Variants in ATP8B3 observed in about 807,000 individuals in gnomAD.
ATP8B3 encodes the protein ATPase phospholipid transporting 8B3.
ATP8B3 carries 141 observed loss-of-function variants against 140.9 expected under a neutral mutation model. That is an observed-to-expected ratio of 1.00 (90% CI 0.87 to 1.15). The LOEUF is 1.15. Among genes scored for constraint, ATP8B3 ranks in the 50% most tolerant of loss-of-function variants. The pLI is 0.00. For missense variants in ATP8B3, 1,874 were observed against 1,740.6 expected (o/e 1.08, Z -1.36); for synonymous variants, 765 against 714.6 (o/e 1.07, Z -1.13).
Position 1,784,873 on chromosome 19 carries a change from GA to G in ATP8B3, c.3605del (p.Phe1202SerfsTer79). The G allele has an allele frequency of 6.2e-7, 1 of 1,613,038 alleles. No individual in the cohort carries two copies. Among genetic ancestry groups the G allele is most frequent in the Non-Finnish European group, 8.5e-7 (1 of 1,179,592 alleles). ...AGATGACTCGGAGGGCCAGGACAGG[GA>G]AGGTGTTTATGGACACACTCAGCAG... The part of the protein sequence containing the change: ...VVLLSVSINT[F>X]PVLALRVIFP... On this transcript the variant is annotated frameshift_variant, in exon 28 of 29. Transcript: ENST00000310127. LOFTEE classifies it high-confidence loss of function.
Position 1,805,321 on chromosome 19 carries a change from C to T in ATP8B3, c.904+53G>A, listed in dbSNP as rs2068976078. 4 of 1,485,818 alleles carry T rather than the reference C, an allele frequency of 2.7e-6. No individual in the cohort carries two copies. Among genetic ancestry groups the T allele is most frequent in the Non-Finnish European group, 3.7e-6 (4 of 1,087,136 alleles). The allele number at this position is 1,485,818 out of a possible 1,614,324, so 92.0% of individuals were successfully genotyped here. A position where few individuals can be genotyped will look rare whatever the true frequency, so the allele number is the denominator to read the frequency against. The stretch of plus-strand genomic sequence containing the variant: ...TAATAACAACAACAAAATACCCTAA[C>T]TTTTAACTTTTACAGATTCGAGGGA... On this transcript the variant is annotated intron_variant, in intron 10 of 28. Transcript: ENST00000310127. This position sits in a 1 kb window ranked among gnomAD's most constrained non-coding sequence, Gnocchi z 5.2.
chr19:1,785,014 G>T (rs1334967264), intron 27 of ATP8B3, 68 bp from the exon 28 acceptor site: 34 of 1,535,682 alleles, frequency 2.2e-5, no homozygotes, highest in African/African-American at 2.7e-5. Flanking sequence ...GCTAGGGAGC[G>T]CCTTGGTGCC....
chr19:1,798,493 C>T (rs1216325762), intron 14 of ATP8B3, among the ~76,000 whole-genome samples: 2 of 151,950 alleles, frequency 1.3e-5, no homozygotes, highest in African/African-American at 4.8e-5. Flanking sequence ...AATCCCAGCA[C>T]TTTGGGAGGC....
intron 12 of ATP8B3, among the ~76,000 whole-genome samples, chr19:1,801,047 C>A (rs533361950): frequency 2.0e-5 from 3 of 151,774 alleles, no homozygotes; most frequent in South Asian, 4.2e-4. Context: ...CCAGGATGGT[C>A]TTGATCTCCT....
intron 18 of ATP8B3, among the ~76,000 whole-genome samples, chr19:1,795,334 T>C (rs1313908369): frequency 7.2e-5 from 11 of 152,000 alleles, no homozygotes; most frequent in Admixed American, 7.2e-4. Flanking sequence ...GCAGATCACC[T>C]GAGGTCAGGA....
At chr19:1,798,130 C>G (rs2068736714) in intron 14 of ATP8B3, among the ~76,000 whole-genome samples, 1 of 151,898 alleles carries the variant, frequency 6.6e-6, no homozygotes, top group Non-Finnish European at 1.5e-5. Context: ...GCCACCATGC[C>G]TGGCTAATTT....
Position 1,791,751 on chromosome 19 carries a change from C to G in ATP8B3, c.2301G>C (p.Gln767His), listed in dbSNP as rs747858417. Residue 767 changes from glutamine (Q) to histidine (H), a missense_variant and splice_region_variant, in exon 20 of 29, where the codon CAG becomes CAC. Gln to His is a conservative substitution (Grantham distance 24). Around this residue, in one of 3 missense-constraint regions of ATP8B3, gnomAD observed 840 missense variants for 760.9 expected, o/e 1.10. Transcript: ENST00000310127. Reference sequence around the variant, plus strand: ...CACCCGGAGCTGCCCGGGACTCACCCTGCTTGTCCCCGGTGAGCACCCATA... The same window carrying G: ...CACCCGGAGCTGCCCGGGACTCACCGTGCTTGTCCCCGGTGAGCACCCATA... ...IKIWVLTGDK[Q>H]ETAVNIGFAC... The G allele has an allele frequency of 6.2e-6, 10 of 1,609,996 alleles. No homozygotes were observed. The highest frequency in any genetic ancestry group is 6.8e-6 in the Non-Finnish European group (8 of 1,178,782).
chr19:1,797,978 T>C (rs1041141116), intron 14 of ATP8B3, among the ~76,000 whole-genome samples: 2 of 151,506 alleles, frequency 1.3e-5, no homozygotes, highest in African/African-American at 4.9e-5. Flanking sequence ...GTGTCTTTTG[T>C]GTGTGTGTGT....
Position 1,806,457 on chromosome 19 carries a change from TGTCCTC to T in ATP8B3, c.677+165_677+170del. Reference sequence around the variant, plus strand: ...GGTTCGCCATCAGGGCCTCGGCCTCTGTCCTCGTCCCGGCCAAACGCCTAATGAATG... The same window carrying T: ...GGTTCGCCATCAGGGCCTCGGCCTCTGTCCCGGCCAAACGCCTAATGAATG... On this transcript the variant is annotated intron_variant, in intron 7 of 28. Coordinates refer to ENST00000310127, the MANE Select transcript of ATP8B3 (RefSeq NM_138813.4). This position sits in a 1 kb window ranked among gnomAD's most constrained non-coding sequence, Gnocchi z 5.6. 1 of 1,456,762 alleles carries T rather than the reference TGTCCTC, an allele frequency of 6.9e-7. No individual in the cohort carries two copies. The highest frequency in any genetic ancestry group is 9.0e-7 in the Non-Finnish European group (1 of 1,110,082). 90.2% of individuals were successfully genotyped at this position (1,456,762 alleles called of 1,614,324 possible).
intron 20 of ATP8B3, 79 bp downstream of exon 20, chr19:1,791,671 G>T: frequency 3.6e-6 from 4 of 1,114,088 alleles, no homozygotes; most frequent in Non-Finnish European, 5.3e-6. Flanking sequence ...GGGATGACAG[G>T]TGTGAGCCTT....
At chr19:1,785,363 G>C in intron 26 of ATP8B3, 66 bp from the exon 27 acceptor site, 1 of 1,550,916 alleles carries the variant, frequency 6.4e-7, no homozygotes, top group Admixed American at 1.9e-5. Context: ...CCAGCCCCTG[G>C]GGTCCAGGAA....
At position 1,794,514 on chromosome 19, in the gene ATP8B3, G is replaced by C. The variant is rs939027704; in HGVS notation, c.2055+1361C>G. ...GAACCTGTGAGGAGCCCCCAGGCTG[G>C]ACGCAGAATCCTCTGGCCCTGTAGG... is the stretch of plus-strand genomic sequence containing the variant. On this transcript the variant is annotated intron_variant, in intron 18 of 28. Transcript: ENST00000310127. This position sits in a 1 kb window ranked among gnomAD's most constrained non-coding sequence, Gnocchi z 4.8. Among the ~76,000 whole-genome samples, 5 of 152,082 alleles carry C rather than the reference G, an allele frequency of 3.3e-5. No individual in the cohort carries two copies. Among genetic ancestry groups the C allele is most frequent in the Admixed American group, 6.5e-5 (1 of 15,276 alleles).
At position 1,789,084 on chromosome 19, in the gene ATP8B3, C is replaced by T. The variant is rs778749192; in HGVS notation, c.2882G>A (p.Gly961Asp). The T allele has an allele frequency of 7.0e-6, 11 of 1,580,876 alleles. No individual in the cohort carries two copies. Among genetic ancestry groups the T allele is most frequent in the African/African-American group, 2.7e-5 (2 of 74,374 alleles). ...GTCGCTGTTCTGAACTGCCTGCATG[C>T]CCTCCTGGCCCGCCAGCCCCACGCC... Reference protein sequence around the residue: ...DVGVGLAGQEGMQAVQNSDFV... With the variant: ...DVGVGLAGQEDMQAVQNSDFV... The change falls in exon 24 of 29, where the codon GGC becomes GAC. Residue 961 changes from glycine (G) to aspartate (D), a missense_variant. Around this residue, in one of 3 missense-constraint regions of ATP8B3, gnomAD observed 840 missense variants for 760.9 expected, o/e 1.10. Coordinates refer to ENST00000310127, the MANE Select transcript of ATP8B3 (RefSeq NM_138813.4).
intron 4 of ATP8B3, among the ~76,000 whole-genome samples, chr19:1,809,296 A>G (rs2069118353): frequency 6.6e-6 from 1 of 152,038 alleles, no homozygotes; most frequent in Non-Finnish European, 1.5e-5. Context: ...CAGCCTGGCC[A>G]ACATGGTGAA....
rs374313601 is a variant in ATP8B3 at position 1,806,260 on chromosome 19, G to A, written c.678-91C>T. The A allele has an allele frequency of 7.3e-5, 112 of 1,526,404 alleles. 1 individual carries two copies. The highest frequency in any genetic ancestry group is 6.8e-4 in the Admixed American group (34 of 50,124). The allele number at this position is 1,526,404 out of a possible 1,614,324, so 94.6% of individuals were successfully genotyped here. On this transcript the variant is annotated intron_variant, in intron 7 of 28. Coordinates refer to ENST00000310127, the MANE Select transcript of ATP8B3 (RefSeq NM_138813.4). This position sits in a 1 kb window ranked among gnomAD's most constrained non-coding sequence, Gnocchi z 5.6. ...AGAGGCACGGGATGACGGGGGGCCCGCAGCTGCAGTCCCCACCTCCGGGCC... is the reference window on the plus strand; with the variant it reads ...AGAGGCACGGGATGACGGGGGGCCCACAGCTGCAGTCCCCACCTCCGGGCC...
rs956378599 is a variant in ATP8B3 at position 1,806,844 on chromosome 19, G to A, written c.616-155C>T. Among the ~76,000 whole-genome samples, 10 of 152,304 alleles carry A rather than the reference G, an allele frequency of 6.6e-5. 1 individual carries two copies. Among genetic ancestry groups the A allele is most frequent in the East Asian group, 3.9e-4 (2 of 5,168 alleles). On this transcript the variant is annotated intron_variant, in intron 6 of 28. Coordinates refer to ENST00000310127, the MANE Select transcript of ATP8B3 (RefSeq NM_138813.4). The surrounding 1 kb of genome is among the most constrained non-coding windows in gnomAD (Gnocchi z 5.6). ...TTGCGTCTGCTCAGGGATCCCGGACGTGGGGGCCACTGGACCCACTGCTAT... is the reference window on the plus strand; with the variant it reads ...TTGCGTCTGCTCAGGGATCCCGGACATGGGGGCCACTGGACCCACTGCTAT...
rs2068798437 is a variant in ATP8B3 at position 1,800,150 on chromosome 19, T to C, written c.1349A>G (p.Glu450Gly). The change falls in exon 14 of 29, where the codon GAG becomes GGG. Residue 450 changes from glutamate to glycine, a missense_variant. By Grantham distance (98) the Glu-to-Gly change is moderately conservative. Transcript: ENST00000310127. The surrounding 1 kb of genome is among the most constrained non-coding windows in gnomAD (Gnocchi z 4.4). ...GACGCTGTTCCCCAGGTAGATGAAC[T>C]CGGACCTGCAGAGGCACTCAGGGTC... ...TIPMSMFILS[E>G]FIYLGNSVFI... The C allele has an allele frequency of 6.4e-7, 1 of 1,558,126 alleles. No individual in the cohort carries two copies. The highest frequency in any genetic ancestry group is 1.2e-5 in the South Asian group (1 of 84,350).
chr19:1,801,816 A>G, intron 12 of ATP8B3, 140 bp downstream of exon 12: 5 of 431,892 alleles, frequency 1.2e-5, no homozygotes, highest in Non-Finnish European at 2.1e-5. Flanking sequence ...ACTTTAATGA[A>G]AAATTTTCTG....
rs2068994486 is a variant in ATP8B3, at chr19:1,805,835, C to T, written c.821+53G>A. The T allele has an allele frequency of 1.2e-6, 2 of 1,605,184 alleles. No individual in the cohort carries two copies. Among genetic ancestry groups the T allele is most frequent in the East Asian group, 4.5e-5 (2 of 44,740 alleles). ...TTGGTGACTGGGGAAGGGGGCTCCT[C>T]CGGGCCATGCTCCCCACCCCCCAGG... On this transcript the variant is annotated intron_variant, in intron 9 of 28. Transcript: ENST00000310127. The surrounding 1 kb of genome is among the most constrained non-coding windows in gnomAD (Gnocchi z 5.2).
Sources: gnomAD v4.1 joint callset for allele counts (sites outside exome capture counted in the v4.1 genomes callset) on GRCh38, gnomAD v4.1.1 for gene constraint, gnomAD v4.1.1 regional missense constraint, Gnocchi (gnomAD v3.1) non-coding constraint, MANE v1.5 for transcripts, NCBI Gene and HGNC (gene_info 2026-07-23, HGNC 2026-07-21) for gene names.